GPHN: variants seen among roughly 807,000 people sequenced by gnomAD.
GPHN encodes gephyrin.
Under a neutral mutation model 95.5 loss-of-function variants are expected in GPHN, and 17 were observed. The observed-to-expected ratio is 0.18, with a 90% CI of 0.12 to 0.27. The LOEUF (loss-of-function observed/expected upper bound fraction) is 0.27. GPHN is among the 10% of genes least tolerant of loss of function. GPHN has a pLI of 1.00. For synonymous variants in GPHN, 320 were observed against 322.5 expected (o/e 0.99, Z 0.08); for missense variants, 660 against 978.1 (o/e 0.67, Z 4.34).
the GPHN span, chr14:67,359,840 G>A: frequency 2.2e-6 from 2 of 897,066 alleles, no homozygotes; most frequent in Non-Finnish European, 3.4e-6. Flanking sequence ...GAGGCAGCAG[G>A]GACACCCATT....
At chr14:66,982,392 A>G (rs750927462) in intron 9 of GPHN, among the ~76,000 whole-genome samples, 60 of 152,202 alleles carry the variant, frequency 3.9e-4, no homozygotes, top group Middle Eastern at 3.2e-3. Flanking sequence ...AAGTCATTTT[A>G]CTACAGGCCA....
At chr14:67,701,745 TATGAC>T in the GPHN span, 2 of 152,128 alleles carry the variant, frequency 1.3e-5, no homozygotes, top group African/African-American at 4.8e-5. Context: ...GTAGACTATT[TATGAC>T]ATGTTTGAAC....
chr14:67,316,325 G>C, the GPHN span, among the ~76,000 whole-genome samples: 1 of 152,044 alleles, frequency 6.6e-6, no homozygotes, highest in Admixed American at 6.6e-5. Flanking sequence ...ATAAAAAATG[G>C]CTAACACATA....
chr14:66,538,543 T>C (rs2059224622), intron 1 of GPHN, among the ~76,000 whole-genome samples: 1 of 152,110 alleles, frequency 6.6e-6, no homozygotes, highest in South Asian at 2.1e-4. Context: ...CCAGGTTGAA[T>C]AACCTATCCA....
chr14:67,486,496 A>G, the GPHN span, among the ~76,000 whole-genome samples: 1 of 152,162 alleles, frequency 6.6e-6, no homozygotes, highest in African/African-American at 2.4e-5. Flanking sequence ...GATGGTCTCA[A>G]TCTGTTGACC....
chr14:67,292,279 A>G, the GPHN span, among the ~76,000 whole-genome samples: 2 of 152,156 alleles, frequency 1.3e-5, no homozygotes, highest in African/African-American at 4.8e-5. Flanking sequence ...AATGTGTATT[A>G]GTTTTATAAT....
the GPHN span, among the ~76,000 whole-genome samples, chr14:67,708,443 A>G: frequency 1.3e-5 from 2 of 152,180 alleles, no homozygotes; most frequent in Non-Finnish European, 2.9e-5. Flanking sequence ...TCTATAGCTG[A>G]TTATAAAACC....
intron 18 of GPHN, among the ~76,000 whole-genome samples, chr14:67,158,030 G>A (rs1271390462): frequency 1.3e-5 from 2 of 151,976 alleles, no homozygotes; most frequent in Non-Finnish European, 2.9e-5. Flanking sequence ...GATATGGCCT[G>A]GTGCAGTGGT....
At chr14:67,159,531 G>C (rs1264403803) in intron 19 of GPHN, 43 bp downstream of exon 19, 2 of 1,150,972 alleles carry the variant, frequency 1.7e-6, no homozygotes, top group Non-Finnish European at 2.6e-6. Context: ...GGTTGGTTTG[G>C]CTTGCTTTAA....
intron 10 of GPHN, among the ~76,000 whole-genome samples, chr14:67,046,951 C>G (rs1413572154): frequency 1.3e-5 from 2 of 152,116 alleles, no homozygotes; most frequent in Non-Finnish European, 2.9e-5. Flanking sequence ...TTTAAGCTGA[C>G]CATATTACTA....
chr14:67,558,421 A>G, the GPHN span, among the ~76,000 whole-genome samples: 2 of 152,300 alleles, frequency 1.3e-5, no homozygotes, highest in Admixed American at 6.5e-5. Context: ...GTGGGGTACC[A>G]TGTGCTCCTG....
intron 16 of GPHN, among the ~76,000 whole-genome samples, chr14:67,117,024 C>G (rs1005208896): frequency 4.6e-5 from 7 of 152,216 alleles, no homozygotes; most frequent in African/African-American, 1.4e-4. Context: ...TCCATAATAA[C>G]AAGAATTGAG....
At chr14:66,738,552 A>C (rs1350153627) in intron 2 of GPHN, among the ~76,000 whole-genome samples, 1 of 152,120 alleles carries the variant, frequency 6.6e-6, no homozygotes, top group Non-Finnish European at 1.5e-5. Context: ...CTTTGAGCAG[A>C]AATAGATTGA....
At chr14:66,555,135 A>G (rs1157216517) in intron 1 of GPHN, among the ~76,000 whole-genome samples, 1 of 151,424 alleles carries the variant, frequency 6.6e-6, no homozygotes, top group East Asian at 1.9e-4. Context: ...AAAAAACAAA[A>G]GAAGCGTAAG....
chr14:66,648,872 G>A (rs2064892355), intron 1 of GPHN, among the ~76,000 whole-genome samples: 1 of 152,162 alleles, frequency 6.6e-6, no homozygotes, highest in Non-Finnish European at 1.5e-5. Flanking sequence ...GTTGTTGCCT[G>A]TTCCCTAACA....
At chr14:67,327,979 A>C in the GPHN span, among the ~76,000 whole-genome samples, 1 of 152,200 alleles carries the variant, frequency 6.6e-6, no homozygotes, top group Admixed American at 6.5e-5. Flanking sequence ...ATGATTTATA[A>C]TCCTTTGGGT....
the GPHN span, among the ~76,000 whole-genome samples, chr14:67,688,952 C>T: frequency 6.6e-6 from 1 of 152,152 alleles, no homozygotes; most frequent in Admixed American, 6.5e-5. Context: ...TGCTGAATGG[C>T]TGAATGAATG....
the GPHN span, among the ~76,000 whole-genome samples, chr14:67,511,901 C>T: frequency 6.6e-6 from 1 of 152,218 alleles, no homozygotes; most frequent in Non-Finnish European, 1.5e-5. Flanking sequence ...TGATGGTTGA[C>T]TTAGCCTCAG....
At chr14:67,011,837 T>C (rs1256727972) in intron 9 of GPHN, among the ~76,000 whole-genome samples, 1 of 151,842 alleles carries the variant, frequency 6.6e-6, no homozygotes, top group Non-Finnish European at 1.5e-5. Context: ...ACAGATTTTA[T>C]ATATATATAT....
Sources: allele counts gnomAD v4.1 joint callset (sites outside exome capture counted in the v4.1 genomes callset), GRCh38; gene constraint gnomAD v4.1.1; transcripts MANE v1.5; gene names NCBI Gene and HGNC (gene_info 2026-07-23, HGNC 2026-07-21).